RTN4: variants seen among roughly 807,000 people sequenced by gnomAD.
The protein encoded by RTN4 is reticulon 4.
A neutral mutation model predicts 90.4 loss-of-function variants in RTN4; 32 were observed. The ratio of observed to expected loss-of-function variants is 0.35; its 90% CI spans 0.27 to 0.48. RTN4 has a LOEUF of 0.48. RTN4 is among the 20% of genes least tolerant of loss of function. RTN4 has a pLI of 0.99. For missense variants in RTN4, 1,706 were observed against 1,430.2 expected (o/e 1.19, Z -3.11); for synonymous variants, 629 against 552.5 (o/e 1.14, Z -1.94).
chr2:55,031,053 C>T (rs1239264639), intron 1 of RTN4, among the ~76,000 whole-genome samples: 1 of 152,182 alleles, frequency 6.6e-6, no homozygotes, highest in Non-Finnish European at 1.5e-5. Context: ...ACCCCCATTT[C>T]ACATACGAGA....
chr2:55,059,018 G>A (rs948372800), intron 2 of RTN4, among the ~76,000 whole-genome samples: 1 of 152,038 alleles, frequency 6.6e-6, no homozygotes, highest in African/African-American at 2.4e-5. Context: ...CTAAGTTTTG[G>A]CTTTCAGAAG....
intron 2 of RTN4, among the ~76,000 whole-genome samples, chr2:55,079,997 C>T (rs952235477): frequency 1.3e-5 from 2 of 152,120 alleles, no homozygotes; most frequent in African/African-American, 2.4e-5. Flanking sequence ...GATATGTAAA[C>T]ATTTGCTAGC....
At chr2:55,122,261 G>C in the RTN4 span, among the ~76,000 whole-genome samples, 1 of 152,196 alleles carries the variant, frequency 6.6e-6, no homozygotes, top group Non-Finnish European at 1.5e-5. Context: ...TTATAGGCAT[G>C]AGCCACTGCA....
In RTN4 at chr2:54,972,692, T is replaced by C. The variant is rs1393589975; in HGVS notation, c.*464A>G. 1 of 153,694 alleles carries C rather than the reference T, an allele frequency of 6.5e-6. No individual in the cohort carries two copies. Among genetic ancestry groups the C allele is most frequent in the Non-Finnish European group, 1.5e-5 (1 of 68,834 alleles). 9.5% of individuals were successfully genotyped at this position (153,694 alleles called of 1,614,324 possible). ...GAACATACCAGAAAAGCAAGCTTTG[T>C]CATTCCTGCTTTACCGGTATGATCT... On this transcript the variant is annotated 3_prime_UTR_variant, in exon 9 of 9. Transcript: ENST00000337526.
intron 1 of RTN4, among the ~76,000 whole-genome samples, chr2:55,034,550 T>C (rs1361383630): frequency 6.6e-6 from 1 of 152,120 alleles, no homozygotes; most frequent in Non-Finnish European, 1.5e-5. Context: ...AATAAAGGTA[T>C]CTTCAGATAA....
chr2:55,032,016 G>T (rs767208317), intron 1 of RTN4, among the ~76,000 whole-genome samples: 2 of 150,908 alleles, frequency 1.3e-5, no homozygotes, highest in Non-Finnish European at 2.9e-5. Flanking sequence ...AAAGCAGCAA[G>T]AAAATATGAC....
At chr2:55,055,863 G>C (rs1326971305) in intron 2 of RTN4, among the ~76,000 whole-genome samples, 1 of 151,122 alleles carries the variant, frequency 6.6e-6, no homozygotes, top group African/African-American at 2.4e-5. Flanking sequence ...TAATGTCAAA[G>C]AATGCATAGT....
At chr2:55,048,974 G>A (rs145753789) in intron 1 of RTN4, 6 of 376,654 alleles carry the variant, frequency 1.6e-5, no homozygotes, top group Admixed American at 1.3e-4. Flanking sequence ...GCAGAACTAC[G>A]CCCCCTCGAA....
At chr2:54,975,022 T>G (rs1296341743) in intron 5 of RTN4, among the ~76,000 whole-genome samples, 1 of 152,222 alleles carries the variant, frequency 6.6e-6, no homozygotes, top group Non-Finnish European at 1.5e-5. Context: ...TCAGACAATA[T>G]ACCAAGGGTG....
rs375738684 is a variant in RTN4 at position 55,005,973 on chromosome 2, A to T, written c.3014-18275T>A. ...TGGCTTTTAGATTTTCAGATTAGGG[A>T]TGTTCAACCTGTACTTGCAAACTTT... On this transcript the variant is annotated intron_variant, in intron 3 of 8. Coordinates refer to ENST00000337526, the MANE Select transcript of RTN4 (RefSeq NM_020532.5). 7.2e-5 allele frequency among the ~76,000 whole-genome samples: 11 copies of T among 152,278 alleles called. No individual in the cohort carries two copies. In the East Asian group the frequency reaches 1.7e-3, roughly 24 times the overall value.
chr2:55,071,543 CAAAAAAAAAAA>C (rs71410418), intron 2 of RTN4, among the ~76,000 whole-genome samples: 1 of 99,506 alleles, frequency 1.0e-5, no homozygotes, highest in African/African-American at 3.6e-5. Flanking sequence ...CATTTGCCAT[CAAAAAAAAAAA>C]AAAAAAAAAA....
chr2:55,091,819 A>C (rs1668940363), intron 1 of RTN4, among the ~76,000 whole-genome samples: 1 of 146,460 alleles, frequency 6.8e-6, no homozygotes, highest in South Asian at 2.2e-4. Flanking sequence ...GGTAAAAGGC[A>C]TTTCTTACAT....
intron 3 of RTN4, among the ~76,000 whole-genome samples, chr2:54,999,891 T>C (rs17046576): frequency 0.044 from 6,767 of 152,210 alleles, 514 homozygotes; most frequent in African/African-American, 0.15. Flanking sequence ...TTTAGCTCTC[T>C]TCACAAAGAC....
intron 3 of RTN4, among the ~76,000 whole-genome samples, chr2:55,024,715 T>C (rs1370804285): frequency 6.6e-6 from 1 of 152,130 alleles, no homozygotes; most frequent in African/African-American, 2.4e-5. Flanking sequence ...TGGTAATTTC[T>C]GGGATAACAA....
At chr2:55,040,897 CT>C (rs1010097692) in intron 1 of RTN4, among the ~76,000 whole-genome samples, 2 of 151,620 alleles carry the variant, frequency 1.3e-5, no homozygotes, top group Non-Finnish European at 2.9e-5. Context: ...ACTTTATAAA[CT>C]TTCTGTATCT....
At chr2:55,032,860 C>G (rs1682419981) in intron 1 of RTN4, among the ~76,000 whole-genome samples, 1 of 151,874 alleles carries the variant, frequency 6.6e-6, no homozygotes, top group Non-Finnish European at 1.5e-5. Flanking sequence ...GAGACCCTAT[C>G]TCTACAAAAA....
chr2:55,131,099 A>G, the RTN4 span, among the ~76,000 whole-genome samples: 4 of 152,180 alleles, frequency 2.6e-5, no homozygotes, highest in African/African-American at 7.2e-5. Flanking sequence ...TTTTTTTGAC[A>G]TAAGTTCTCA....
intron 2 of RTN4, chr2:55,060,637 T>G (rs1668272562): frequency 6.6e-6 from 1 of 152,226 alleles, no homozygotes; most frequent in South Asian, 2.1e-4. Context: ...AAAGACTTCT[T>G]GGGCTGGCCA....
chr2:55,118,181 C>T, the RTN4 span, among the ~76,000 whole-genome samples: 2 of 152,100 alleles, frequency 1.3e-5, no homozygotes, highest in Non-Finnish European at 2.9e-5. Context: ...AAAAGACACC[C>T]AGGGCTGGGC....
Sources: gnomAD v4.1 joint callset for allele counts (sites outside exome capture counted in the v4.1 genomes callset) on GRCh38, gnomAD v4.1.1 for gene constraint, MANE v1.5 for transcripts, NCBI Gene and HGNC (gene_info 2026-07-23, HGNC 2026-07-21) for gene names.